The following NCBP1 variants were observed in gnomAD, a reference collection of about 807,000 sequenced individuals.
NCBP1 encodes nuclear cap-binding protein subunit 1.
Under a neutral mutation model 111.7 loss-of-function variants are expected in NCBP1, and 16 were observed. The ratio of observed to expected loss-of-function variants is 0.14; its 90% CI spans 0.10 to 0.22. The LOEUF is 0.22. NCBP1 is among the 10% of genes least tolerant of loss of function. NCBP1 has a pLI of 1.00. For missense variants in NCBP1, 607 were observed against 957.5 expected, an observed-to-expected ratio of 0.63 and a Z score of 4.83; for synonymous variants, 304 against 314.3, an observed-to-expected ratio of 0.97 and a Z score of 0.35.
chr9:97,654,174 A>T (rs1827576732), intron 11 of NCBP1, among the ~76,000 whole-genome samples: 1 of 152,162 alleles, frequency 6.6e-6, no homozygotes, highest in Non-Finnish European at 1.5e-5. Context: ...TTCCTCTCAC[A>T]ATAGATTTCT....
At chr9:97,652,999 C>A (rs986861856) in intron 10 of NCBP1, among the ~76,000 whole-genome samples, 1 of 152,044 alleles carries the variant, frequency 6.6e-6, no homozygotes, top group Non-Finnish European at 1.5e-5. Context: ...AAGGAAGTTT[C>A]TGAATAAGAG....
Position 97,645,100 on chromosome 9 carries a change from A to C in NCBP1, c.382-17A>C. 6.3e-7 allele frequency: 1 copy of C among 1,582,530 alleles called. No homozygotes were observed. Among genetic ancestry groups the C allele is most frequent in the Non-Finnish European group, 8.7e-7 (1 of 1,151,554 alleles). On this transcript the variant is annotated splice_polypyrimidine_tract_variant and intron_variant, in intron 4 of 22. Coordinates refer to ENST00000375147, the MANE Select transcript of NCBP1 (RefSeq NM_002486.5). ...AGAACATTTAGGTTTAATAGCAGAA[A>C]TTGTTTGCCCCAACAGGTCCGTTTT...
Position 97,645,580 on chromosome 9 carries a change from TTTTAAACTTAAC to T in NCBP1, c.490-27_490-16del, listed in dbSNP as rs1827310844. ...TATGAATGAATATAATTAAAGCATA[TTTTAAACTTAAC>T]TTTTTAAAAATCCTTTAGGTGCGAC... On this transcript the variant is annotated intron_variant, in intron 5 of 22. Transcript: ENST00000375147. 1 of 1,595,516 alleles carries T rather than the reference TTTTAAACTTAAC, an allele frequency of 6.3e-7. No homozygotes were observed. Among genetic ancestry groups the T allele is most frequent in the Non-Finnish European group, 8.6e-7 (1 of 1,165,554 alleles).
chr9:97,664,497 G>C (rs1827935912), intron 19 of NCBP1, 54 bp downstream of exon 19: 4 of 1,194,938 alleles, frequency 3.3e-6, no homozygotes, highest in East Asian at 2.4e-5. Flanking sequence ...ATATATGTGT[G>C]GTCTCTTATA....
In NCBP1 at chr9:97,670,940, A is replaced by C. The variant is rs549055487; in HGVS notation, c.2260-146A>C. On this transcript the variant is annotated intron_variant, in intron 22 of 22. Coordinates refer to ENST00000375147, the MANE Select transcript of NCBP1 (RefSeq NM_002486.5). ...TATTTTTTTAATGTTGGGGATTTTC[A>C]GGGGTCCATTGTTCCTATCAGCACT... The C allele has an allele frequency of 8.2e-6, 4 of 488,682 alleles. No homozygotes were observed. The South Asian group carries it at 1.6e-4, about 19-fold the overall frequency. The allele number at this position is 488,682 out of a possible 1,614,324, so 30.3% of individuals were successfully genotyped here.
chr9:97,656,880 C>A (rs1483388771), intron 14 of NCBP1, among the ~76,000 whole-genome samples: 3 of 152,192 alleles, frequency 2.0e-5, no homozygotes, highest in African/African-American at 7.2e-5. Context: ...GTGGTACAAT[C>A]CTACCACATA....
intron 11 of NCBP1, among the ~76,000 whole-genome samples, chr9:97,654,531 T>C (rs902964787): frequency 1.3e-5 from 2 of 151,690 alleles, no homozygotes; most frequent in Non-Finnish European, 1.5e-5. Flanking sequence ...GCCAGTAGAC[T>C]TGCTTGTTGC....
In NCBP1 at chr9:97,635,538, G is replaced by C. The variant is rs558781414; in HGVS notation, c.34+1623G>C. Among the ~76,000 whole-genome samples the C allele has an allele frequency of 3.7e-3, 564 of 151,440 alleles. 3 individuals carry two copies. Among genetic ancestry groups the C allele is most frequent in the African/African-American group, 0.013 (546 of 41,086 alleles). Reference sequence around the variant, plus strand: ...TGATCCTCCCACCTCAGCCTCCTAAGTAACTGGGACCACAGGCGCGGGCCA... The same window carrying C: ...TGATCCTCCCACCTCAGCCTCCTAACTAACTGGGACCACAGGCGCGGGCCA... On this transcript the variant is annotated intron_variant, in intron 1 of 22. Transcript: ENST00000375147.
At chr9:97,663,776 G>A (rs1205968734) in intron 18 of NCBP1, among the ~76,000 whole-genome samples, 1 of 151,796 alleles carries the variant, frequency 6.6e-6, no homozygotes, top group East Asian at 2.0e-4. Flanking sequence ...GTGAGCCACC[G>A]CGCCTGGCCA....
chr9:97,640,723 T>C, intron 1 of NCBP1, 71 bp from the exon 2 acceptor site: 1 of 1,234,612 alleles, frequency 8.1e-7, no homozygotes, highest in South Asian at 1.3e-5. Context: ...GATTATAACC[T>C]AAAAAGGTTA....
In NCBP1 at chr9:97,640,798, G is replaced by A; in HGVS notation, c.39G>A (p.Gly13=). Residue 13 remains glycine, a synonymous_variant, in exon 2 of 23, where the codon GGG becomes GGA. Coordinates refer to ENST00000375147, the MANE Select transcript of NCBP1 (RefSeq NM_002486.5). Reference sequence around the variant, plus strand: ...TTTTTTATGTTGCTGAAATAGGTGGGCAGCCTCACAAAAGGAGAAAGACCT... The same window carrying A: ...TTTTTTATGTTGCTGAAATAGGTGGACAGCCTCACAAAAGGAGAAAGACCT... ...RRRHSDENDG[G]QPHKRRKTSD... 1 of 1,603,950 alleles carries A rather than the reference G, an allele frequency of 6.2e-7. No homozygotes were observed. The highest frequency in any genetic ancestry group is 8.5e-7 in the Non-Finnish European group (1 of 1,175,902).
intron 18 of NCBP1, 75 bp downstream of exon 18, chr9:97,663,122 T>G (rs1827887465): frequency 2.6e-6 from 3 of 1,166,824 alleles, no homozygotes; most frequent in Non-Finnish European, 2.5e-6. Context: ...ATTGCCATTG[T>G]TTTGTTTGTA....
At chr9:97,636,582 A>T (rs1014454662) in intron 1 of NCBP1, among the ~76,000 whole-genome samples, 1 of 144,532 alleles carries the variant, frequency 6.9e-6, no homozygotes, top group African/African-American at 2.5e-5. Context: ...TCTAATATAT[A>T]TTTTACATAT....
intron 6 of NCBP1, among the ~76,000 whole-genome samples, chr9:97,646,179 C>T (rs1827330269): frequency 6.6e-6 from 1 of 152,146 alleles, no homozygotes. Flanking sequence ...ATATTTAGTT[C>T]ATGTAAATTA....
intron 4 of NCBP1, 149 bp from the exon 5 acceptor site, chr9:97,644,968 C>T: frequency 6.2e-6 from 3 of 480,620 alleles, no homozygotes; most frequent in Non-Finnish European, 1.1e-5. Flanking sequence ...TTTTTAGTTC[C>T]CAGCTATGCA....
chr9:97,634,855 A>G (rs1029128864), intron 1 of NCBP1, among the ~76,000 whole-genome samples: 5 of 152,338 alleles, frequency 3.3e-5, no homozygotes, highest in Admixed American at 6.5e-5. Flanking sequence ...TTACTTGGTG[A>G]TCTTGTCCAG....
At position 97,633,837 on chromosome 9, in the gene NCBP1, G is replaced by T; in HGVS notation, c.-45G>T. ...CCAGCGGCCAGACAGTTCCTGCAGCGCTTACCGCCTGGCCTCTCGGTTCCG... is the reference window on the plus strand; with the variant it reads ...CCAGCGGCCAGACAGTTCCTGCAGCTCTTACCGCCTGGCCTCTCGGTTCCG... On this transcript the variant is annotated 5_prime_UTR_variant, in exon 1 of 23. Coordinates refer to ENST00000375147, the MANE Select transcript of NCBP1 (RefSeq NM_002486.5). 1.9e-6 allele frequency: 3 copies of T among 1,558,624 alleles called. No homozygotes were observed. Among genetic ancestry groups the T allele is most frequent in the Non-Finnish European group, 8.6e-7 (1 of 1,158,610 alleles).
chr9:97,650,711 C>T (rs936583007), intron 9 of NCBP1, 111 bp downstream of exon 9: 1 of 791,426 alleles, frequency 1.3e-6, no homozygotes, highest in Non-Finnish European at 2.1e-6. Context: ...CTCCTGACTC[C>T]CTGTCTTGCT....
rs1357563254 is a variant in NCBP1, at chr9:97,672,434, C to T, written c.*1235C>T. ...GTAGTCTGCTTAATAAATGGGAATTCCTAGAATGTTTAAATACCATACTAT... is the reference window on the plus strand; with the variant it reads ...GTAGTCTGCTTAATAAATGGGAATTTCTAGAATGTTTAAATACCATACTAT... On this transcript the variant is annotated 3_prime_UTR_variant, in exon 23 of 23. Transcript: ENST00000375147. 1 of 152,186 alleles carries T rather than the reference C, an allele frequency of 6.6e-6. No homozygotes were observed. Among genetic ancestry groups the T allele is most frequent in the East Asian group, 1.9e-4 (1 of 5,188 alleles). The allele number at this position is 152,186 out of a possible 1,614,324, so 9.4% of individuals were successfully genotyped here.
Sources: gnomAD v4.1 joint callset for allele counts (sites outside exome capture counted in the v4.1 genomes callset) on GRCh38, gnomAD v4.1.1 for gene constraint, MANE v1.5 for transcripts, NCBI Gene and HGNC (gene_info 2026-07-23, HGNC 2026-07-21) for gene names.